ST8SIA5: variants seen among roughly 807,000 people sequenced by gnomAD.
ST8SIA5 encodes the protein alpha-2,8-sialyltransferase 8E.
In ST8SIA5, 24 loss-of-function variants were observed where a neutral mutation model predicts 40.2. The ratio of observed to expected loss-of-function variants is 0.60; its 90% CI spans 0.43 to 0.84. The LOEUF (loss-of-function observed/expected upper bound fraction) is 0.84. Ranked by LOEUF, ST8SIA5 falls within the 40% of genes least tolerant of loss-of-function variation. The pLI is 0.00. For missense variants in ST8SIA5, 465 were observed against 498.5 expected, an observed-to-expected ratio of 0.93 and a Z score of 0.64; for synonymous variants, 198 against 201.8, an observed-to-expected ratio of 0.98 and a Z score of 0.16.
In ST8SIA5 at chr18:46,677,061, G is replaced by A. The variant is rs4890334; in HGVS notation, c.*2981C>T. The A allele has an allele frequency of 0.58, 88,873 of 152,006 alleles. 26,453 individuals are homozygous for A. Among genetic ancestry groups the A allele is most frequent in the East Asian group, 0.65 (3,330 of 5,142 alleles). 9.4% of individuals were successfully genotyped at this position (152,006 alleles called of 1,614,324 possible). ...TGACGATGGCCTCAGTTCCCCTCCA[G>A]TGCCACTGTGGGTAAGTCGCTACTG... On this transcript the variant is annotated 3_prime_UTR_variant, in exon 7 of 7. Coordinates refer to ENST00000315087, the MANE Select transcript of ST8SIA5 (RefSeq NM_013305.6).
intron 1 of ST8SIA5, among the ~76,000 whole-genome samples, chr18:46,736,543 A>G (rs1405902974): frequency 6.6e-6 from 1 of 152,090 alleles, no homozygotes; most frequent in Non-Finnish European, 1.5e-5. Flanking sequence ...AAGGAAGAGA[A>G]AGCACTTGGG....
intron 1 of ST8SIA5, among the ~76,000 whole-genome samples, chr18:46,730,686 TAG>T (rs1334006684): frequency 6.6e-6 from 1 of 152,068 alleles, no homozygotes; most frequent in Non-Finnish European, 1.5e-5. Context: ...ATCAAAAAAT[TAG>T]AGCTTAGGAG....
At chr18:46,703,234 C>T (rs1161742436) in intron 2 of ST8SIA5, among the ~76,000 whole-genome samples, 1 of 152,206 alleles carries the variant, frequency 6.6e-6, no homozygotes, top group African/African-American at 2.4e-5. Context: ...CAAGCTCCAC[C>T]TCCTGGGTTC....
rs1014711143 is a variant in ST8SIA5, at chr18:46,678,845, C to T, written c.*1197G>A. On this transcript the variant is annotated 3_prime_UTR_variant, in exon 7 of 7. Transcript: ENST00000315087. ...CACCATCCCATTTATGGTGGAAACA[C>T]CACAGGGAGAAGCAAAGGGAATTAA... The T allele has an allele frequency of 6.6e-6, 1 of 152,408 alleles. No homozygotes were observed. The highest frequency in any genetic ancestry group is 3.4e-3 in the Middle Eastern group (1 of 294). 9.4% of individuals were successfully genotyped at this position (152,408 alleles called of 1,614,324 possible).
At chr18:46,703,718 C>A (rs1056026653) in intron 2 of ST8SIA5, among the ~76,000 whole-genome samples, 1 of 152,182 alleles carries the variant, frequency 6.6e-6, no homozygotes, top group African/African-American at 2.4e-5. Flanking sequence ...CCAACATTGC[C>A]TGCCTCTGAA....
intron 1 of ST8SIA5, among the ~76,000 whole-genome samples, chr18:46,730,013 A>G (rs1255716138): frequency 1.3e-5 from 2 of 152,182 alleles, no homozygotes; most frequent in African/African-American, 4.8e-5. Flanking sequence ...CCAATGCTAA[A>G]CAGCCTTTGG....
chr18:46,745,530 C>T (rs549707973), intron 1 of ST8SIA5, among the ~76,000 whole-genome samples: 1 of 152,282 alleles, frequency 6.6e-6, no homozygotes, highest in South Asian at 2.1e-4. Flanking sequence ...GAAGTTGAAT[C>T]TCTGAATAGA....
intron 1 of ST8SIA5, among the ~76,000 whole-genome samples, chr18:46,732,667 T>C (rs191515168): frequency 6.6e-6 from 1 of 152,186 alleles, no homozygotes; most frequent in Admixed American, 6.5e-5. Flanking sequence ...AGAAAATCAT[T>C]CACAAACGTT....
intron 1 of ST8SIA5, among the ~76,000 whole-genome samples, chr18:46,726,034 G>GAT (rs1416818549): frequency 2.5e-4 from 15 of 60,994 alleles, no homozygotes; most frequent in South Asian, 5.1e-4. Flanking sequence ...ATATATCCTG[G>GAT]ATATATATAT....
chr18:46,682,117 T>G, intron 5 of ST8SIA5, 53 bp from the exon 6 acceptor site: 17 of 1,337,508 alleles, frequency 1.3e-5, no homozygotes, highest in East Asian at 4.9e-5. Context: ...TAGGTCAGGC[T>G]GGGGAGGGTG....
At chr18:46,719,718 C>CTTTCTTTCTTTCTCTCTCTCTTTCTT (rs1568267828) in intron 1 of ST8SIA5, among the ~76,000 whole-genome samples, 1 of 149,698 alleles carries the variant, frequency 6.7e-6, no homozygotes, top group Non-Finnish European at 1.5e-5. Flanking sequence ...CTCTTTCTTT[C>CTTTCTTTCTTTCTCTCTCTCTTTCTT]TCTCTTTCTC....
chr18:46,693,152 C>T (rs1162936320), intron 2 of ST8SIA5, among the ~76,000 whole-genome samples: 2 of 151,610 alleles, frequency 1.3e-5, no homozygotes, highest in Admixed American at 6.6e-5. Flanking sequence ...TTCATGTCTG[C>T]GTGTCCTACT....
chr18:46,737,874 G>A (rs1010742263), intron 1 of ST8SIA5, among the ~76,000 whole-genome samples: 14 of 151,872 alleles, frequency 9.2e-5, no homozygotes, highest in Non-Finnish European at 1.6e-4. Context: ...AGGTTCAAGC[G>A]ATTCTCCTGC....
rs2039401767 is a variant in ST8SIA5 at position 46,682,021 on chromosome 18, C to A, written c.613G>T (p.Gly205Trp). ...PISEKYTMDV[G>W]VKTDVVTVNP... is the part of the protein sequence containing the mutation. Reference sequence around the variant, plus strand: ...ACAGTGACCACATCCGTCTTCACCCCCACATCCATGGTGTACTTCTCTGAG... The same window carrying A: ...ACAGTGACCACATCCGTCTTCACCCACACATCCATGGTGTACTTCTCTGAG... Residue 205 changes from glycine to tryptophan, a missense_variant, in exon 6 of 7, where the codon GGG becomes TGG. Gly to Trp is a radical substitution (Grantham distance 184). Transcript: ENST00000315087. 5 of 1,613,350 alleles carry A rather than the reference C, an allele frequency of 3.1e-6. No homozygotes were observed. The highest frequency in any genetic ancestry group is 4.2e-6 in the Non-Finnish European group (5 of 1,179,778).
At chr18:46,724,104 C>A (rs1304849871) in intron 1 of ST8SIA5, among the ~76,000 whole-genome samples, 1 of 152,236 alleles carries the variant, frequency 6.6e-6, no homozygotes, top group Non-Finnish European at 1.5e-5. Context: ...CTGTTCCCAT[C>A]TTTCAAGAGG....
chr18:46,682,590 A>C (rs1168912379), intron 5 of ST8SIA5, among the ~76,000 whole-genome samples: 1 of 152,252 alleles, frequency 6.6e-6, no homozygotes, highest in Non-Finnish European at 1.5e-5. Context: ...TAGTAGGAAG[A>C]GTAATAGCCC....
At chr18:46,716,086 G>A (rs1305089429) in intron 1 of ST8SIA5, among the ~76,000 whole-genome samples, 2 of 139,678 alleles carry the variant, frequency 1.4e-5, no homozygotes, top group Non-Finnish European at 3.1e-5. Context: ...GAGTCACACA[G>A]GATAGATAGA....
At chr18:46,728,414 G>A (rs992194764) in intron 1 of ST8SIA5, among the ~76,000 whole-genome samples, 7 of 152,196 alleles carry the variant, frequency 4.6e-5, no homozygotes, top group East Asian at 1.9e-4. Context: ...ATCTGCCTTC[G>A]CATATGGTAG....
At chr18:46,730,286 A>G (rs1312765220) in intron 1 of ST8SIA5, 1 of 981,494 alleles carries the variant, frequency 1.0e-6, no homozygotes, top group Non-Finnish European at 1.2e-6. Flanking sequence ...GACTCTCAGC[A>G]TTGAACCTCT....
Sources: gnomAD v4.1 joint callset for allele counts (sites outside exome capture counted in the v4.1 genomes callset) on GRCh38, gnomAD v4.1.1 for gene constraint, MANE v1.5 for transcripts, NCBI Gene and HGNC (gene_info 2026-07-23, HGNC 2026-07-21) for gene names.